Variants in PCCA observed in about 807,000 individuals in gnomAD.
The protein encoded by PCCA is propionyl-CoA carboxylase alpha chain, mitochondrial.
A neutral mutation model predicts 101.3 loss-of-function variants in PCCA; 74 were observed. That is an observed-to-expected ratio of 0.73 (90% confidence interval 0.61 to 0.89). The LOEUF (loss-of-function observed/expected upper bound fraction) is 0.89, where lower values mean the gene tolerates loss of function less well. PCCA is among the 40% of genes least tolerant of loss of function. The pLI, the probability that PCCA is intolerant of heterozygous loss-of-function variation, is 0.00. For synonymous variants in PCCA, 294 were observed against 313.6 expected (o/e 0.94, Z 0.66); for missense variants, 891 against 907.0 (o/e 0.98, Z 0.23).
chr13:100,288,481 G>T (rs1566871957), intron 12 of PCCA, among the ~76,000 whole-genome samples: 1 of 152,166 alleles, frequency 6.6e-6, no homozygotes, highest in Non-Finnish European at 1.5e-5. Context: ...ATTTTTTGTA[G>T]AGACGAGGTT....
chr13:100,420,427 A>G lies in PCCA; in HGVS notation c.1747-5206A>G, dbSNP rs145457523. 5.3e-3 allele frequency among the ~76,000 whole-genome samples: 802 copies of G among 152,200 alleles called. 4 individuals are homozygous for G. Among genetic ancestry groups the G allele is most frequent in the African/African-American group, 0.018 (742 of 41,552 alleles). On this transcript the variant is annotated intron_variant, in intron 19 of 23. Transcript: ENST00000376285. Reference sequence around the variant, plus strand: ...GTCTCTCCAAAATAAATTAATAAATATATAAATCTGGAGGTGGTAGCTCGT... The same window carrying G: ...GTCTCTCCAAAATAAATTAATAAATGTATAAATCTGGAGGTGGTAGCTCGT...
intron 23 of PCCA, among the ~76,000 whole-genome samples, chr13:100,528,601 T>C (rs1417840955): frequency 6.6e-6 from 1 of 152,228 alleles, no homozygotes; most frequent in African/African-American, 2.4e-5. Flanking sequence ...AGCGGGGATG[T>C]CATGCCTGGT....
rs1006231998 is a variant in PCCA, at chr13:100,368,560, G to A, written c.1732G>A (p.Gly578Arg). Residue 578 changes from glycine (G) to arginine (R), a missense_variant, in exon 19 of 24, where the codon GGG becomes AGG. By Grantham distance (125) the Gly-to-Arg change is moderately radical. Coordinates refer to ENST00000376285, the MANE Select transcript of PCCA (RefSeq NM_000282.4). ...KVHTVVASNN[G>R]SVFSVEVDGS... ...TCATACCGTAGTAGCATCAAACAATGGGTCAGTGTTCTCGGTGAGTTTTCT... is the reference window on the plus strand; with the variant it reads ...TCATACCGTAGTAGCATCAAACAATAGGTCAGTGTTCTCGGTGAGTTTTCT... 2.5e-6 allele frequency: 4 copies of A among 1,596,490 alleles called. No individual in the cohort carries two copies. Among genetic ancestry groups the A allele is most frequent in the South Asian group, 2.2e-5 (2 of 90,656 alleles).
At chr13:100,381,487 C>G (rs1433899110) in intron 19 of PCCA, among the ~76,000 whole-genome samples, 1 of 151,654 alleles carries the variant, frequency 6.6e-6, no homozygotes, top group Non-Finnish European at 1.5e-5. Flanking sequence ...CTTTGGAAAA[C>G]AGGATGGCAT....
rs141896517 is a variant in PCCA, at chr13:100,244,591, A to G, written c.637+8713A>G. Among the ~76,000 whole-genome samples, 62 of 152,114 alleles carry G rather than the reference A, an allele frequency of 4.1e-4. No individual in the cohort carries two copies. The East Asian group carries it at 0.011, about 28-fold the overall frequency. On this transcript the variant is annotated intron_variant, in intron 8 of 23. Transcript: ENST00000376285. ...CATTCAGGCAGGAATGTGGAAACAC[A>G]TTGTAATGTGAAAAAAACATTGCTT...
chr13:100,187,852 C>T (rs2057415467), intron 6 of PCCA, among the ~76,000 whole-genome samples: 1 of 151,998 alleles, frequency 6.6e-6, no homozygotes, highest in Non-Finnish European at 1.5e-5. Context: ...CACCAGCCAC[C>T]CAAGCAGTGT....
chr13:100,178,392 A>G (rs759337619), intron 6 of PCCA, among the ~76,000 whole-genome samples: 1 of 152,240 alleles, frequency 6.6e-6, no homozygotes, highest in Non-Finnish European at 1.5e-5. Context: ...ACACTTTTAT[A>G]GTCATTTTGA....
At chr13:100,433,560 T>C (rs1287901078) in intron 20 of PCCA, among the ~76,000 whole-genome samples, 1 of 151,396 alleles carries the variant, frequency 6.6e-6, no homozygotes, top group Non-Finnish European at 1.5e-5. Context: ...TAAAACCACA[T>C]ACCATTCTAA....
At chr13:100,329,960 C>T (rs1234865008) in intron 16 of PCCA, among the ~76,000 whole-genome samples, 1 of 152,158 alleles carries the variant, frequency 6.6e-6, no homozygotes, top group African/African-American at 2.4e-5. Context: ...CAATTTTTCT[C>T]CATAACAACA....
At position 100,123,572 on chromosome 13, in the gene PCCA, C is replaced by T. The variant is rs1166894885; in HGVS notation, c.300+11511C>T. On this transcript the variant is annotated intron_variant, in intron 4 of 23. Coordinates refer to ENST00000376285, the MANE Select transcript of PCCA (RefSeq NM_000282.4). ...ACTTCTTATTTTTGTATAGGGAAAC[C>T]GATTTTTAAAAATGCTCTTTTCTGT... 5.9e-5 allele frequency among the ~76,000 whole-genome samples: 9 copies of T among 151,728 alleles called. No homozygotes were observed. The East Asian group carries it at 1.4e-3, about 23-fold the overall frequency.
intron 21 of PCCA, among the ~76,000 whole-genome samples, chr13:100,494,638 G>A (rs996962987): frequency 3.7e-4 from 56 of 151,156 alleles, no homozygotes; most frequent in African/African-American, 1.3e-3. Flanking sequence ...AGCCGAGATC[G>A]CGCTATTGCA....
chr13:100,234,693 C>A, intron 7 of PCCA, among the ~76,000 whole-genome samples: 1 of 148,844 alleles, frequency 6.7e-6, no homozygotes, highest in Non-Finnish European at 1.5e-5. Context: ...TATAAACATC[C>A]CCCCCCGCCC....
At chr13:100,526,424 AAGC>A (rs1367742501) in intron 22 of PCCA, among the ~76,000 whole-genome samples, 18 of 152,368 alleles carry the variant, frequency 1.2e-4, no homozygotes, top group South Asian at 2.1e-4. Context: ...TGCCAGGAAG[AAGC>A]AGCCCACCAC....
Position 100,089,185 on chromosome 13 carries a change from C to T in PCCA, c.65C>T (p.Pro22Leu), listed in dbSNP as rs773397570. ...VAAGRRGRWPPQQLMLSAALR... is the reference protein window; with the variant it reads ...VAAGRRGRWPLQQLMLSAALR... Reference sequence around the variant, plus strand: ...GCCGGACGGCGTGGGCGGTGGCCGCCGCAGCAGCTGATGCTGAGCGCGGCG... The same window carrying T: ...GCCGGACGGCGTGGGCGGTGGCCGCTGCAGCAGCTGATGCTGAGCGCGGCG... Residue 22 changes from proline to leucine, a missense_variant, in exon 1 of 24, where the codon CCG (proline) becomes CTG (leucine). Transcript: ENST00000376285. 3.9e-6 allele frequency: 6 copies of T among 1,528,842 alleles called. No individual in the cohort carries two copies. The highest frequency in any genetic ancestry group is 5.1e-5 in the East Asian group (2 of 39,044). 94.7% of individuals were successfully genotyped at this position (1,528,842 alleles called of 1,614,324 possible). A position where few individuals can be genotyped will look rare whatever the true frequency, so the allele number is the denominator to read the frequency against.
chr13:100,257,572 G>C, intron 8 of PCCA, 23 bp from the exon 9 acceptor site: 1 of 1,581,812 alleles, frequency 6.3e-7, no homozygotes, highest in Non-Finnish European at 8.7e-7. Context: ...CTGAACTTCT[G>C]TCTAATTCTT....
chr13:100,091,012 A>C (rs940119877), intron 1 of PCCA, among the ~76,000 whole-genome samples: 8 of 152,172 alleles, frequency 5.3e-5, no homozygotes, highest in African/African-American at 1.4e-4. Context: ...GTTATAGGTG[A>C]GAGAGCAGTG....
intron 6 of PCCA, among the ~76,000 whole-genome samples, chr13:100,188,669 C>T (rs978572287): frequency 2.0e-5 from 3 of 152,138 alleles, no homozygotes; most frequent in African/African-American, 7.2e-5. Context: ...GCTTACATTC[C>T]CAATAGCAGT....
chr13:100,144,774 A>G (rs1011981318), intron 4 of PCCA, among the ~76,000 whole-genome samples: 1 of 152,242 alleles, frequency 6.6e-6, no homozygotes, highest in East Asian at 1.9e-4. Flanking sequence ...GATAAACAAC[A>G]AACCAGAATT....
intron 20 of PCCA, among the ~76,000 whole-genome samples, chr13:100,447,365 C>G (rs927142808): frequency 6.7e-6 from 1 of 149,562 alleles, no homozygotes; most frequent in Non-Finnish European, 1.5e-5. Context: ...GCCTGGGTAA[C>G]AGAGTGAAAC....
Sources: gnomAD v4.1 joint callset for allele counts (sites outside exome capture counted in the v4.1 genomes callset) on GRCh38, gnomAD v4.1.1 for gene constraint, MANE v1.5 for transcripts, NCBI Gene and HGNC (gene_info 2026-07-23, HGNC 2026-07-21) for gene names.